The following NCOA7 variants were observed in gnomAD, a reference collection of about 807,000 sequenced individuals.
NCOA7 encodes the protein nuclear receptor coactivator 7.
A neutral mutation model predicts 104.3 loss-of-function variants in NCOA7; 45 were observed. The observed-to-expected ratio is 0.43, with a 90% CI of 0.34 to 0.55. The LOEUF (loss-of-function observed/expected upper bound fraction) is 0.55. NCOA7 is among the 20% of genes least tolerant of loss of function. The probability of loss-of-function intolerance (pLI) is 0.02; values close to 1 mark genes in which losing one functional copy is unlikely to be tolerated. For missense variants in NCOA7, 1,041 were observed against 1,119.7 expected (o/e 0.93, Z 1.00); for synonymous variants, 398 against 402.3 (o/e 0.99, Z 0.13).
At position 125,905,561 on chromosome 6, in the gene NCOA7, C is replaced by T. The variant is rs1274093195; in HGVS notation, c.2097-9772C>T. 2.0e-5 allele frequency among the ~76,000 whole-genome samples: 3 copies of T among 152,166 alleles called. No homozygotes were observed. The East Asian group carries it at 5.8e-4, about 29-fold the overall frequency. On this transcript the variant is annotated intron_variant, in intron 10 of 15. Coordinates refer to ENST00000392477, the MANE Select transcript of NCOA7 (RefSeq NM_181782.5). ...ACAGGCGTGAGCCACCGCACCCAGT[C>T]AGGAATAAGATTTTAAAACCTGCCA...
At chr6:125,874,014 A>C (rs1783145085) in intron 3 of NCOA7, among the ~76,000 whole-genome samples, 1 of 152,200 alleles carries the variant, frequency 6.6e-6, no homozygotes, top group African/African-American at 2.4e-5. Flanking sequence ...AATGTTGGCC[A>C]TTTTTGACCT....
At chr6:125,820,996 T>TA (rs2128579774) in intron 2 of NCOA7, among the ~76,000 whole-genome samples, 1 of 152,206 alleles carries the variant, frequency 6.6e-6, no homozygotes, top group African/African-American at 2.4e-5. Flanking sequence ...TACTTTTAGA[T>TA]ATATTAATTG....
intron 3 of NCOA7, among the ~76,000 whole-genome samples, chr6:125,861,750 A>C (rs1782066643): frequency 6.6e-6 from 1 of 152,182 alleles, no homozygotes; most frequent in South Asian, 2.1e-4. Flanking sequence ...GAAAGTGATA[A>C]GAGAAGCTGG....
chr6:125,921,057 C>G lies in NCOA7; in HGVS notation c.2359C>G (p.His787Asp). ...CCACAGCGCGCTCCTGGAGAATATG[C>G]ACATCGAGCAGGTGGGCTCGCCCTG... ...RPHSALLENM[H>D]IEQLARRLPA... Residue 787 changes from histidine to aspartate, a missense_variant, in exon 12 of 16, where the codon CAC becomes GAC. Around this residue, in one of 2 missense-constraint regions of NCOA7, gnomAD observed 914 missense variants for 942.7 expected, o/e 0.97. Coordinates refer to ENST00000392477, the MANE Select transcript of NCOA7 (RefSeq NM_181782.5). 1 of 1,613,008 alleles carries G rather than the reference C, an allele frequency of 6.2e-7. No individual in the cohort carries two copies. Among genetic ancestry groups the G allele is most frequent in the South Asian group, 1.1e-5 (1 of 91,072 alleles).
intron 2 of NCOA7, among the ~76,000 whole-genome samples, chr6:125,854,002 C>T (rs1242857078): frequency 6.6e-6 from 1 of 152,072 alleles, no homozygotes; most frequent in Non-Finnish European, 1.5e-5. Flanking sequence ...TTTTTCTACC[C>T]AAACAGGTCC....
chr6:125,878,442 A>C (rs1783559483), intron 5 of NCOA7, 72 bp downstream of exon 5: 1 of 984,408 alleles, frequency 1.0e-6, no homozygotes, highest in Non-Finnish European at 1.5e-6. Flanking sequence ...TCAGTGCCTC[A>C]CTATTGTTTG....
intron 2 of NCOA7, among the ~76,000 whole-genome samples, chr6:125,847,902 C>T (rs1482540980): frequency 1.3e-5 from 2 of 152,036 alleles, no homozygotes; most frequent in African/African-American, 4.8e-5. Context: ...TGCAATCTAC[C>T]CATCTGACAA....
chr6:125,861,763 G>A (rs188899776), intron 3 of NCOA7, among the ~76,000 whole-genome samples: 4 of 152,160 alleles, frequency 2.6e-5, no homozygotes, highest in South Asian at 2.1e-4. Flanking sequence ...GAAGCTGGGC[G>A]TGGTGGCTCA....
At chr6:125,928,381 CAG>C (rs1346473610) in intron 15 of NCOA7, 134 bp downstream of exon 15, 8 of 843,582 alleles carry the variant, frequency 9.5e-6, no homozygotes, top group African/African-American at 3.4e-5. Context: ...TGAATTAGGA[CAG>C]AGGCTAACAC....
At chr6:125,920,893 TAGA>T in intron 11 of NCOA7, 47 bp from the exon 12 acceptor site, 1 of 1,596,208 alleles carries the variant, frequency 6.3e-7, no homozygotes, top group Non-Finnish European at 8.6e-7. Flanking sequence ...AATTAGCAGT[TAGA>T]AGAAAAGCCA....
At chr6:125,804,545 C>T (rs374554528) in intron 1 of NCOA7, among the ~76,000 whole-genome samples, 19 of 152,256 alleles carry the variant, frequency 1.2e-4, no homozygotes, top group East Asian at 9.6e-4. Context: ...TTCATTACCT[C>T]CAGTAACTTT....
Position 125,929,008 on chromosome 6 carries a change from C to A in NCOA7, c.*237C>A, listed in dbSNP as rs948496776. ...TTGTTGAAAAGACTTTGTACTCCCA[C>A]TTCCTCCAAATCCATACAGTGAGGA... is the stretch of plus-strand genomic sequence containing the variant. On this transcript the variant is annotated 3_prime_UTR_variant, in exon 16 of 16. Coordinates refer to ENST00000392477, the MANE Select transcript of NCOA7 (RefSeq NM_181782.5). 7 of 408,302 alleles carry A rather than the reference C, an allele frequency of 1.7e-5. No homozygotes were observed. The highest frequency in any genetic ancestry group is 3.0e-5 in the Non-Finnish European group (7 of 231,690). The allele number at this position is 408,302 out of a possible 1,614,324, so 25.3% of individuals were successfully genotyped here. A position where few individuals can be genotyped will look rare whatever the true frequency, so the allele number is the denominator to read the frequency against.
At chr6:125,866,660 C>T (rs563055840) in intron 3 of NCOA7, among the ~76,000 whole-genome samples, 14 of 152,316 alleles carry the variant, frequency 9.2e-5, no homozygotes, top group Admixed American at 7.8e-4. Context: ...CACAGTCCAT[C>T]TGATGCCAAA....
In NCOA7 at chr6:125,927,769, A is replaced by C; in HGVS notation, c.2619+11A>C. On this transcript the variant is annotated intron_variant, in intron 14 of 15. Transcript: ENST00000392477. ...AGCCCTCATTTTAAGGTACCTAGATAGGAGAAATATCCAACTCCCATATGT... is the reference window on the plus strand; with the variant it reads ...AGCCCTCATTTTAAGGTACCTAGATCGGAGAAATATCCAACTCCCATATGT... 6.3e-7 allele frequency: 1 copy of C among 1,596,062 alleles called. No homozygotes were observed. The highest frequency in any genetic ancestry group is 8.6e-7 in the Non-Finnish European group (1 of 1,163,536).
At chr6:125,928,002 G>T (rs984225399) in intron 14 of NCOA7, among the ~76,000 whole-genome samples, 172 bp from the exon 15 acceptor site, 1 of 152,194 alleles carries the variant, frequency 6.6e-6, no homozygotes, top group East Asian at 1.9e-4. Flanking sequence ...TCCTTCCTTC[G>T]TAACCCCTTG....
rs187819241 is a variant in NCOA7 at position 125,912,606 on chromosome 6, A to C, written c.2097-2727A>C. Among the ~76,000 whole-genome samples, 7 of 152,338 alleles carry C rather than the reference A, an allele frequency of 4.6e-5. No individual in the cohort carries two copies. The East Asian group carries it at 9.6e-4, about 21-fold the overall frequency. ...AGGTGGTGAGAATGTGGAGGTCAAAAGAGCACGTTGCATTAAGCACATGAT... is the reference window on the plus strand; with the variant it reads ...AGGTGGTGAGAATGTGGAGGTCAAACGAGCACGTTGCATTAAGCACATGAT... On this transcript the variant is annotated intron_variant, in intron 10 of 15. Coordinates refer to ENST00000392477, the MANE Select transcript of NCOA7 (RefSeq NM_181782.5).
chr6:125,922,582 T>C (rs1787676033), intron 12 of NCOA7, 100 bp from the exon 13 acceptor site: 4 of 1,375,404 alleles, frequency 2.9e-6, no homozygotes, highest in Non-Finnish European at 4.0e-6. Context: ...TGTGAGTGTA[T>C]GATACTGAGT....
chr6:125,803,420 A>G (rs925117543), intron 1 of NCOA7, among the ~76,000 whole-genome samples: 1 of 152,216 alleles, frequency 6.6e-6, no homozygotes, highest in Non-Finnish European at 1.5e-5. Flanking sequence ...TAAATAGTAC[A>G]GTTGTAGGCA....
At chr6:125,782,982 G>T (rs1423789609) in intron 1 of NCOA7, among the ~76,000 whole-genome samples, 2 of 152,158 alleles carry the variant, frequency 1.3e-5, no homozygotes, top group Non-Finnish European at 2.9e-5. Flanking sequence ...AGGTCAGAGT[G>T]ATGTGATGTG....
Sources: gnomAD v4.1 joint callset for allele counts (sites outside exome capture counted in the v4.1 genomes callset) on GRCh38, gnomAD v4.1.1 for gene constraint, gnomAD v4.1.1 regional missense constraint, MANE v1.5 for transcripts, NCBI Gene and HGNC (gene_info 2026-07-23, HGNC 2026-07-21) for gene names.